The following ATP6V1C2 variants were observed in gnomAD, a reference collection of about 807,000 sequenced individuals.
The protein encoded by ATP6V1C2 is V-type proton ATPase subunit C 2.
Under a neutral mutation model 56.8 loss-of-function variants are expected in ATP6V1C2, and 45 were observed. The ratio of observed to expected loss-of-function variants is 0.79; its 90% CI spans 0.62 to 1.02. The LOEUF is 1.02. Ranked by LOEUF, ATP6V1C2 falls within the 50% of genes least tolerant of loss-of-function variation. The pLI is 0.00. For missense variants in ATP6V1C2, 463 were observed against 519.7 expected (o/e 0.89, Z 1.06); for synonymous variants, 220 against 201.3 (o/e 1.09, Z -0.79).
chr2:10,775,225 A>G (rs1467334201), intron 10 of ATP6V1C2, among the ~76,000 whole-genome samples, 154 bp downstream of exon 10: 1 of 152,070 alleles, frequency 6.6e-6, no homozygotes, highest in Non-Finnish European at 1.5e-5. Context: ...GGGACGCCTG[A>G]GCAGGGTCTG....
At chr2:10,772,448 C>A in intron 7 of ATP6V1C2, 94 bp from the exon 8 acceptor site, 1 of 1,050,274 alleles carries the variant, frequency 9.5e-7, no homozygotes, top group South Asian at 1.3e-5. Context: ...CACCTTCAGG[C>A]CTTCAGGAAA....
chr2:10,779,003 G>A (rs532770794), intron 12 of ATP6V1C2, among the ~76,000 whole-genome samples: 3 of 152,266 alleles, frequency 2.0e-5, no homozygotes, highest in Non-Finnish European at 4.4e-5. Flanking sequence ...CTCCTGGAAG[G>A]CGCTCTCGGG....
intron 3 of ATP6V1C2, among the ~76,000 whole-genome samples, chr2:10,742,353 A>G (rs964014205): frequency 6.6e-6 from 1 of 152,192 alleles, no homozygotes; most frequent in African/African-American, 2.4e-5. Flanking sequence ...ACTACTCCTC[A>G]GCGGGAGAGC....
chr2:10,775,627 C>G (rs6737844), intron 10 of ATP6V1C2, among the ~76,000 whole-genome samples: 2 of 151,852 alleles, frequency 1.3e-5, no homozygotes, highest in African/African-American at 2.4e-5. Context: ...AAACCCTTCA[C>G]GGAGGAGGAC....
intron 12 of ATP6V1C2, among the ~76,000 whole-genome samples, chr2:10,779,253 C>T (rs6753535): frequency 0.13 from 19,418 of 151,046 alleles, 3,475 homozygotes; most frequent in African/African-American, 0.4. Context: ...GACAGGTGCC[C>T]GCCACCACGC....
At chr2:10,734,039 T>C (rs796440763) in intron 3 of ATP6V1C2, among the ~76,000 whole-genome samples, 16 of 152,330 alleles carry the variant, frequency 1.1e-4, no homozygotes, top group African/African-American at 3.8e-4. Flanking sequence ...AGGCTTTTCT[T>C]CTCTGTTGGT....
chr2:10,782,818 A>G (rs1164917717), intron 13 of ATP6V1C2, among the ~76,000 whole-genome samples: 1 of 133,742 alleles, frequency 7.5e-6, no homozygotes. Context: ...CGACAGAACA[A>G]GACTCTGTCT....
At chr2:10,723,780 A>G (rs945027877) in intron 2 of ATP6V1C2, among the ~76,000 whole-genome samples, 1 of 147,992 alleles carries the variant, frequency 6.8e-6, no homozygotes, top group Non-Finnish European at 1.5e-5. Context: ...TGGAGCTTGC[A>G]GTGAGCCGAG....
chr2:10,768,674 C>CT, intron 5 of ATP6V1C2, 45 bp from the exon 6 acceptor site: 1 of 1,552,938 alleles, frequency 6.4e-7, no homozygotes, highest in Non-Finnish European at 8.9e-7. Context: ...CAGCCAACTC[C>CT]TTCAATGCTC....
chr2:10,779,956 G>T (rs977824375), intron 12 of ATP6V1C2, among the ~76,000 whole-genome samples: 5 of 152,126 alleles, frequency 3.3e-5, no homozygotes, highest in African/African-American at 1.2e-4. Context: ...ACGGAGCACT[G>T]CGCACCGCCT....
intron 12 of ATP6V1C2, among the ~76,000 whole-genome samples, chr2:10,779,686 A>C (rs10803728): frequency 1.6e-5 from 2 of 126,538 alleles, no homozygotes; most frequent in Non-Finnish European, 3.4e-5. Flanking sequence ...CTCCGGCTAT[A>C]GAAAAAAAAA....
At chr2:10,779,707 A>G (rs548534460) in intron 12 of ATP6V1C2, among the ~76,000 whole-genome samples, 56 of 145,130 alleles carry the variant, frequency 3.9e-4, no homozygotes, top group South Asian at 1.8e-3. Context: ...AAAAAAAAAA[A>G]CTTCACTGTG....
At chr2:10,765,279 C>G (rs983090462) in intron 5 of ATP6V1C2, among the ~76,000 whole-genome samples, 12 of 152,218 alleles carry the variant, frequency 7.9e-5, no homozygotes, top group African/African-American at 2.9e-4. Context: ...GCACCTGGAG[C>G]TGGGTGACTT....
At chr2:10,726,102 A>G (rs760975813) in intron 2 of ATP6V1C2, among the ~76,000 whole-genome samples, 1 of 152,098 alleles carries the variant, frequency 6.6e-6, no homozygotes, top group Non-Finnish European at 1.5e-5. Context: ...CAAAAAACAC[A>G]ACTGATGGGA....
intron 10 of ATP6V1C2, among the ~76,000 whole-genome samples, chr2:10,776,814 G>T (rs1482765458): frequency 6.6e-6 from 1 of 152,186 alleles, no homozygotes; most frequent in East Asian, 1.9e-4. Context: ...GCCACGTGGG[G>T]CTCAGGTTGC....
chr2:10,725,363 C>A (rs895868522), intron 2 of ATP6V1C2, among the ~76,000 whole-genome samples: 1 of 150,106 alleles, frequency 6.7e-6, no homozygotes, highest in South Asian at 2.1e-4. Flanking sequence ...TGCAGTGAGC[C>A]GAGATCTCAA....
chr2:10,753,078 C>A (rs947482593), intron 3 of ATP6V1C2, among the ~76,000 whole-genome samples: 1 of 152,186 alleles, frequency 6.6e-6, no homozygotes, highest in South Asian at 2.1e-4. Flanking sequence ...AATTTGAGCC[C>A]TTTTGCCTTC....
intron 3 of ATP6V1C2, among the ~76,000 whole-genome samples, chr2:10,739,929 G>A (rs974763902): frequency 2.1e-4 from 32 of 151,492 alleles, no homozygotes; most frequent in African/African-American, 5.1e-4. Context: ...GTGAAACCTC[G>A]TCTCTACTAA....
At position 10,778,634 on chromosome 2, in the gene ATP6V1C2, C is replaced by G. The variant is rs745917118; in HGVS notation, c.1026C>G (p.Ile342Met). The G allele has an allele frequency of 6.2e-7, 1 of 1,614,214 alleles. No individual in the cohort carries two copies. Among genetic ancestry groups the G allele is most frequent in the Admixed American group, 1.7e-5 (1 of 60,030 alleles). ...FSEAFIAWIHIKALRVFVESV... is the reference protein window; with the variant it reads ...FSEAFIAWIHMKALRVFVESV... Reference sequence around the variant, plus strand: ...AAGCCTTCATTGCCTGGATCCACATCAAGGCCCTGAGAGTGTTTGTGGAGT... The same window carrying G: ...AAGCCTTCATTGCCTGGATCCACATGAAGGCCCTGAGAGTGTTTGTGGAGT... The change falls in exon 12 of 14, where the codon ATC becomes ATG. Residue 342 changes from isoleucine (I) to methionine (M), a missense_variant. Physicochemically the swap from Ile to Met is conservative, Grantham distance 10. Coordinates refer to ENST00000272238, the MANE Select transcript of ATP6V1C2 (RefSeq NM_001039362.2).
Sources: allele counts gnomAD v4.1 joint callset (sites outside exome capture counted in the v4.1 genomes callset), GRCh38; gene constraint gnomAD v4.1.1; transcripts MANE v1.5; gene names NCBI Gene and HGNC (gene_info 2026-07-23, HGNC 2026-07-21).